Variants in PDE8A observed in about 807,000 individuals in gnomAD.
The protein encoded by PDE8A is high affinity cAMP-specific and IBMX-insensitive 3',5'-cyclic phosphodiesterase 8A.
PDE8A carries 59 observed loss-of-function variants against 105.0 expected under a neutral mutation model. The ratio of observed to expected loss-of-function variants is 0.56; its 90% confidence interval spans 0.46 to 0.70. The LOEUF is 0.70. Ranked by LOEUF, PDE8A falls within the 30% of genes least tolerant of loss-of-function variation. The probability of loss-of-function intolerance (pLI) is 0.00; values close to 1 mark genes in which losing one functional copy is unlikely to be tolerated. For synonymous variants in PDE8A, 355 were observed against 371.9 expected (o/e 0.95, Z 0.52); for missense variants, 1,014 against 1,045.9 (o/e 0.97, Z 0.42).
intron 1 of PDE8A, among the ~76,000 whole-genome samples, chr15:85,008,199 A>G (rs962829359): frequency 6.6e-6 from 1 of 152,108 alleles, no homozygotes; most frequent in African/African-American, 2.4e-5. Flanking sequence ...CTTTGCAGAA[A>G]GTCCTATTCC....
At chr15:85,110,030 C>A (rs1356352230) in intron 12 of PDE8A, among the ~76,000 whole-genome samples, 1 of 152,170 alleles carries the variant, frequency 6.6e-6, no homozygotes, top group Admixed American at 6.5e-5. Flanking sequence ...GTTTCCATTG[C>A]CTTATCTGTA....
chr15:85,031,732 T>C (rs1355166612), intron 1 of PDE8A, among the ~76,000 whole-genome samples: 1 of 152,150 alleles, frequency 6.6e-6, no homozygotes, highest in East Asian at 1.9e-4. Flanking sequence ...AGATGTTCTG[T>C]GGTACATAGT....
At chr15:85,110,744 C>T (rs183772548) in intron 12 of PDE8A, among the ~76,000 whole-genome samples, 8 of 152,234 alleles carry the variant, frequency 5.3e-5, no homozygotes, top group African/African-American at 1.9e-4. Flanking sequence ...CATTTTTATG[C>T]AGGTCATTTT....
chr15:85,004,232 A>G (rs1230471399), intron 1 of PDE8A, among the ~76,000 whole-genome samples: 1 of 152,074 alleles, frequency 6.6e-6, no homozygotes. Context: ...GATTGAGCTC[A>G]TTTCCAGCTC....
At chr15:85,002,095 C>T (rs2080076530) in intron 1 of PDE8A, among the ~76,000 whole-genome samples, 1 of 152,016 alleles carries the variant, frequency 6.6e-6, no homozygotes, top group South Asian at 2.1e-4. Flanking sequence ...AGCAGCTTTT[C>T]AGTTTGTGGA....
At chr15:84,995,049 T>C (rs955477729) in intron 1 of PDE8A, among the ~76,000 whole-genome samples, 2 of 152,210 alleles carry the variant, frequency 1.3e-5, no homozygotes, top group Admixed American at 6.5e-5. Flanking sequence ...TGATATTTGC[T>C]TAGGTTTTTT....
chr15:85,028,470 C>T (rs1486335999), intron 1 of PDE8A, among the ~76,000 whole-genome samples: 4 of 152,188 alleles, frequency 2.6e-5, no homozygotes, highest in Non-Finnish European at 5.9e-5. Context: ...CTTCCTCAGC[C>T]TCGCCAAGTG....
rs200919599 is a variant in PDE8A at position 85,067,210 on chromosome 15, C to T, written c.434+6C>T. ...GATGCAGAGGCACTGTGCAGGTAAG[C>T]CCAAGACTCGGGCCTAAATAGTCCC... On this transcript the variant is annotated splice_donor_region_variant and intron_variant, in intron 3 of 21. Coordinates refer to ENST00000394553, the MANE Select transcript of PDE8A (RefSeq NM_002605.3). 2,436 of 1,607,644 alleles carry T rather than the reference C, an allele frequency of 1.5e-3. 4 individuals are homozygous for T. Among genetic ancestry groups the T allele is most frequent in the Non-Finnish European group, 1.9e-3 (2,254 of 1,176,640 alleles).
intron 1 of PDE8A, among the ~76,000 whole-genome samples, chr15:85,029,249 C>A (rs2080571517): frequency 6.6e-6 from 1 of 152,066 alleles, no homozygotes; most frequent in South Asian, 2.1e-4. Context: ...TCCTCTGAAG[C>A]CAGGACTATT....
chr15:84,994,547 G>A (rs2079943729), intron 1 of PDE8A, among the ~76,000 whole-genome samples: 1 of 152,132 alleles, frequency 6.6e-6, no homozygotes, highest in African/African-American at 2.4e-5. Flanking sequence ...ATTTTTCACA[G>A]GGTACCCCTG....
chr15:85,116,836 A>G (rs1004718543), intron 16 of PDE8A, among the ~76,000 whole-genome samples: 1 of 152,164 alleles, frequency 6.6e-6, no homozygotes, highest in Admixed American at 6.5e-5. Context: ...TAACCTTCTG[A>G]TACGTTCTAC....
chr15:85,040,012 T>C (rs933380659), intron 1 of PDE8A, among the ~76,000 whole-genome samples: 4 of 152,198 alleles, frequency 2.6e-5, no homozygotes, highest in African/African-American at 9.6e-5. Context: ...AGGAATAAGT[T>C]CTGGTGGTTC....
intron 1 of PDE8A, among the ~76,000 whole-genome samples, chr15:85,017,201 C>T (rs2080339488): frequency 6.6e-6 from 1 of 150,866 alleles, no homozygotes; most frequent in African/African-American, 2.4e-5. Flanking sequence ...GCAGAGCTTG[C>T]AGTGAGCCGA....
At position 85,054,050 on chromosome 15, in the gene PDE8A, G is replaced by A. The variant is rs190699569; in HGVS notation, c.187-10320G>A. Among the ~76,000 whole-genome samples the A allele has an allele frequency of 5.8e-3, 890 of 152,284 alleles. 5 individuals are homozygous for A. Among genetic ancestry groups the A allele is most frequent in the African/African-American group, 0.02 (850 of 41,526 alleles). On this transcript the variant is annotated intron_variant, in intron 1 of 21. Transcript: ENST00000394553. ...GAAGGGCTGTTGAATTTTGTCAAAG[G>A]CCTTTTCTGCATCTATTGAGATAAT...
chr15:85,092,313 AT>A (rs1168105092), intron 8 of PDE8A, among the ~76,000 whole-genome samples: 2 of 144,172 alleles, frequency 1.4e-5, no homozygotes, highest in East Asian at 1.9e-4. Flanking sequence ...TCTGTCAAGG[AT>A]TTTTTTTGTT....
At chr15:85,057,061 G>A (rs1483059568) in intron 1 of PDE8A, among the ~76,000 whole-genome samples, 2 of 152,214 alleles carry the variant, frequency 1.3e-5, no homozygotes, top group African/African-American at 2.4e-5. Flanking sequence ...CTGCAGGCCT[G>A]TTGGAGTTTG....
intron 8 of PDE8A, among the ~76,000 whole-genome samples, chr15:85,091,576 T>C (rs528299380): frequency 1.3e-5 from 2 of 152,340 alleles, no homozygotes; most frequent in South Asian, 2.1e-4. Flanking sequence ...CGTTAATTCA[T>C]TGAGCATTTT....
chr15:85,132,187 G>C (rs1482793263), intron 20 of PDE8A, among the ~76,000 whole-genome samples: 1 of 152,082 alleles, frequency 6.6e-6, no homozygotes, highest in African/African-American at 2.4e-5. Flanking sequence ...GCCCAAGCTG[G>C]TCTTGAACTC....
intron 8 of PDE8A, among the ~76,000 whole-genome samples, chr15:85,091,636 G>A (rs2081645195): frequency 6.6e-6 from 1 of 152,170 alleles, no homozygotes; most frequent in Non-Finnish European, 1.5e-5. Context: ...GGTATGGAAA[G>A]AAGAGCAAAA....
Sources: gnomAD v4.1 joint callset for allele counts (sites outside exome capture counted in the v4.1 genomes callset) on GRCh38, gnomAD v4.1.1 for gene constraint, MANE v1.5 for transcripts, NCBI Gene and HGNC (gene_info 2026-07-23, HGNC 2026-07-21) for gene names.